PREX1: variants seen among roughly 807,000 people sequenced by gnomAD.
The protein encoded by PREX1 is phosphatidylinositol 3,4,5-trisphosphate-dependent Rac exchanger 1 protein.
A neutral mutation model predicts 198.3 loss-of-function variants in PREX1; 41 were observed. The ratio of observed to expected loss-of-function variants is 0.21; its 90% CI spans 0.16 to 0.27. The LOEUF (loss-of-function observed/expected upper bound fraction) is 0.27, where lower values mean the gene tolerates loss of function less well. PREX1 is among the 10% of genes least tolerant of loss of function. PREX1 has a pLI of 1.00. For missense variants in PREX1, 1,620 were observed against 2,200.7 expected, an observed-to-expected ratio of 0.74 and a Z score of 5.28; for synonymous variants, 843 against 887.2, an observed-to-expected ratio of 0.95 and a Z score of 0.89.
chr20:48,630,966 A>G (rs1185951542), intron 35 of PREX1, among the ~76,000 whole-genome samples, 172 bp from the exon 36 acceptor site: 1 of 151,802 alleles, frequency 6.6e-6, no homozygotes, highest in African/African-American at 2.4e-5. Context: ...TGTTCCTACA[A>G]CAGCCGGGGG....
intron 1 of PREX1, among the ~76,000 whole-genome samples, chr20:48,810,312 G>C (rs1247805819): frequency 6.6e-6 from 1 of 151,940 alleles, no homozygotes; most frequent in Non-Finnish European, 1.5e-5. Flanking sequence ...GCCTAGTACA[G>C]TGGCTCATGC....
intron 7 of PREX1, among the ~76,000 whole-genome samples, chr20:48,698,261 G>T (rs1307896557): frequency 6.6e-6 from 1 of 152,192 alleles, no homozygotes; most frequent in Non-Finnish European, 1.5e-5. Context: ...TGCTGTCCCT[G>T]CACAGGTGAG....
chr20:48,699,268 C>A (rs1310427508), intron 7 of PREX1, among the ~76,000 whole-genome samples: 1 of 152,188 alleles, frequency 6.6e-6, no homozygotes, highest in Non-Finnish European at 1.5e-5. Context: ...GACCTCAGGC[C>A]TCAGCTCTAG....
In PREX1 at chr20:48,792,817, TACACACACACACAC is replaced by T. The variant is rs372512250; in HGVS notation, c.219+34811_219+34824del. Among the ~76,000 whole-genome samples, 736 of 113,544 alleles carry T rather than the reference TACACACACACACAC, an allele frequency of 6.5e-3. 10 individuals carry two copies. Among genetic ancestry groups the T allele is most frequent in the African/African-American group, 0.024 (692 of 29,240 alleles). 74.5% of individuals were successfully genotyped at this position (113,544 alleles called of 152,430 possible). On this transcript the variant is annotated intron_variant, in intron 1 of 39. Transcript: ENST00000371941. The stretch of plus-strand genomic sequence containing the variant: ...AAGCCAGATACAAAAAAAAAAAAAA[TACACACACACACAC>T]ACACACACACACACACACACACATA...
chr20:48,873,363 C>T, the PREX1 span, among the ~76,000 whole-genome samples: 7 of 152,168 alleles, frequency 4.6e-5, no homozygotes, highest in African/African-American at 7.2e-5. Flanking sequence ...GTTTGCTCTA[C>T]GGCAGTCTAA....
At chr20:48,806,664 G>C (rs1361354134) in intron 1 of PREX1, among the ~76,000 whole-genome samples, 5 of 152,202 alleles carry the variant, frequency 3.3e-5, no homozygotes, top group African/African-American at 7.2e-5. Flanking sequence ...GTAAGAGGAG[G>C]AGCCGGGACT....
intron 23 of PREX1, among the ~76,000 whole-genome samples, chr20:48,650,412 G>A (rs529654153): frequency 7.9e-5 from 12 of 152,338 alleles, no homozygotes; most frequent in Middle Eastern, 3.4e-3. Context: ...CCAAGGCCTC[G>A]GGGTGCCCAC....
chr20:48,827,743 C>T lies in PREX1; in HGVS notation c.118G>A (p.Ala40Thr). Residue 40 changes from alanine (A) to threonine (T), a missense_variant, in exon 1 of 40, where the codon GCC becomes ACC. Physicochemically the swap from Ala to Thr is moderately conservative, Grantham distance 58. Around this residue, in one of 7 missense-constraint regions of PREX1, gnomAD observed 96 missense variants for 98.7 expected, o/e 0.97. Transcript: ENST00000371941. This position sits in a 1 kb window ranked among gnomAD's most constrained non-coding sequence, Gnocchi z 4.1. Reference sequence around the variant, plus strand: ...CGCAGCTGGCGCTCGGACTCCCGGGCGGCCGCGCACGGGCCGGGGCCGGAG... The same window carrying T: ...CGCAGCTGGCGCTCGGACTCCCGGGTGGCCGCGCACGGGCCGGGGCCGGAG... ...PSSGPGPCAA[A>T]RESERQLRLR... The T allele has an allele frequency of 1.5e-6, 2 of 1,294,268 alleles. No individual in the cohort carries two copies. Among genetic ancestry groups the T allele is most frequent in the Admixed American group, 3.4e-5 (1 of 29,064 alleles). 80.2% of individuals were successfully genotyped at this position (1,294,268 alleles called of 1,614,324 possible).
intron 14 of PREX1, among the ~76,000 whole-genome samples, chr20:48,667,935 C>T (rs376227101): frequency 3.6e-4 from 55 of 152,304 alleles, no homozygotes; most frequent in African/African-American, 1.3e-3. Context: ...TCCCTCACAG[C>T]GGTGTGCTGG....
intron 28 of PREX1, 64 bp downstream of exon 28, chr20:48,642,343 G>GGGC (rs2089420965): frequency 2.5e-6 from 4 of 1,604,124 alleles, no homozygotes; most frequent in Admixed American, 1.7e-5. Flanking sequence ...CCCGGGTCAT[G>GGGC]GGCCCTCCCC....
intron 1 of PREX1, among the ~76,000 whole-genome samples, chr20:48,755,370 G>C (rs1223093080): frequency 6.6e-6 from 1 of 152,104 alleles, no homozygotes; most frequent in African/African-American, 2.4e-5. Context: ...TTTTCCTTTA[G>C]AAACAGAACT....
rs1262181218 is a variant in PREX1 at position 48,666,306 on chromosome 20, C to T, written c.1715G>A (p.Cys572Tyr). 15 of 1,570,688 alleles carry T rather than the reference C, an allele frequency of 9.5e-6. No homozygotes were observed. The highest frequency in any genetic ancestry group is 1.7e-4 in the Middle Eastern group (1 of 5,952). Residue 572 changes from cysteine to tyrosine, a missense_variant, in exon 15 of 40, where the codon TGC (cysteine) becomes TAC (tyrosine). Cys to Tyr is a radical substitution (Grantham distance 194). Around this residue, in one of 7 missense-constraint regions of PREX1, gnomAD observed 488 missense variants for 802.5 expected, o/e 0.61. Transcript: ENST00000371941. This position sits in a 1 kb window ranked among gnomAD's most constrained non-coding sequence, Gnocchi z 4.3. ...EEAVALGVGL[C>Y]NNGFMHHVLE... ...ACCGTGGTGCATGAAGCCATTGTTG[C>T]ACAGACCCACGCCGAGCGCCACTGC...
chr20:48,817,084 T>C (rs990404178), intron 1 of PREX1, among the ~76,000 whole-genome samples: 2 of 152,112 alleles, frequency 1.3e-5, no homozygotes, highest in Non-Finnish European at 2.9e-5. Context: ...ACCCAGAAAG[T>C]GGGAAGCAGC....
intron 1 of PREX1, among the ~76,000 whole-genome samples, chr20:48,763,580 T>C (rs889520159): frequency 2.0e-5 from 3 of 152,210 alleles, no homozygotes; most frequent in Admixed American, 2.0e-4. Flanking sequence ...CTATTTTTTT[T>C]CCATCTTCCC....
chr20:48,627,527 G>A (rs2089282368), intron 39 of PREX1, 21 bp downstream of exon 39: 1 of 1,613,568 alleles, frequency 6.2e-7, no homozygotes, highest in Admixed American at 1.7e-5. Context: ...ACAGGAAGGG[G>A]CGGACGAGGC....
At position 48,684,503 on chromosome 20, in the gene PREX1, G is replaced by A. The variant is rs939283022; in HGVS notation, c.1335-3168C>T. Among the ~76,000 whole-genome samples, 1 of 152,214 alleles carries A rather than the reference G, an allele frequency of 6.6e-6. No homozygotes were observed. Among genetic ancestry groups the A allele is most frequent in the Admixed American group, 6.5e-5 (1 of 15,286 alleles). On this transcript the variant is annotated intron_variant, in intron 10 of 39. Transcript: ENST00000371941. This position sits in a 1 kb window ranked among gnomAD's most constrained non-coding sequence, Gnocchi z 4.2. ...ACACCAAGGCCCCTTCCACCTTGGA[G>A]CTTTCCCTCTGGCAGACGTCCATAA...
At chr20:48,835,610 AAAGGCTT>A in the PREX1 span, among the ~76,000 whole-genome samples, 4 of 152,224 alleles carry the variant, frequency 2.6e-5, no homozygotes, top group Non-Finnish European at 5.9e-5. Context: ...CAGCAGGTGC[AAAGGCTT>A]GGAGGTAGGA....
chr20:48,847,291 G>A, the PREX1 span, among the ~76,000 whole-genome samples: 1 of 150,446 alleles, frequency 6.6e-6, no homozygotes, highest in Non-Finnish European at 1.5e-5. Flanking sequence ...ATGGAGGAGG[G>A]GGCCTTTGAG....
At chr20:48,798,034 G>T (rs1045592368) in intron 1 of PREX1, among the ~76,000 whole-genome samples, 4 of 152,176 alleles carry the variant, frequency 2.6e-5, no homozygotes, top group Admixed American at 1.3e-4. Flanking sequence ...TAACCTTTAA[G>T]GGTTGGGAAG....
Sources: allele counts gnomAD v4.1 joint callset (sites outside exome capture counted in the v4.1 genomes callset), GRCh38; gene constraint gnomAD v4.1.1; regional missense constraint gnomAD v4.1.1; non-coding constraint Gnocchi (gnomAD v3.1); transcripts MANE v1.5; gene names NCBI Gene and HGNC (gene_info 2026-07-23, HGNC 2026-07-21).